The following MECOM variants were observed in gnomAD, a reference collection of about 807,000 sequenced individuals.
MECOM encodes the protein MDS1 and EVI1 complex locus, also known as histone-lysine N-methyltransferase MECOM.
In MECOM, 13 loss-of-function variants were observed where a neutral mutation model predicts 116.3. That is an observed-to-expected ratio of 0.11 (90% CI 0.07 to 0.18). The LOEUF (loss-of-function observed/expected upper bound fraction) is 0.18, where lower values mean the gene tolerates loss of function less well. Ranked by LOEUF, MECOM falls within the 10% of genes least tolerant of loss-of-function variation. The pLI, the probability that MECOM is intolerant of heterozygous loss-of-function variation, is 1.00. For synonymous variants in MECOM, 528 were observed against 535.2 expected (o/e 0.99, Z 0.19); for missense variants, 1,299 against 1,509.0 (o/e 0.86, Z 2.31).
chr3:169,552,625 C>T (rs1312562276), intron 1 of MECOM, among the ~76,000 whole-genome samples: 2 of 152,090 alleles, frequency 1.3e-5, no homozygotes, highest in East Asian at 3.9e-4. Context: ...CAAGCCGACA[C>T]AGCCTGGTCC....
intron 2 of MECOM, among the ~76,000 whole-genome samples, chr3:169,178,387 G>T (rs1372507994): frequency 6.6e-6 from 1 of 152,172 alleles, no homozygotes; most frequent in Non-Finnish European, 1.5e-5. Context: ...TGAAATTAGT[G>T]ATGTGCCTTA....
chr3:169,281,465 T>C (rs1711984472), intron 2 of MECOM, among the ~76,000 whole-genome samples: 1 of 152,212 alleles, frequency 6.6e-6, no homozygotes, highest in Non-Finnish European at 1.5e-5. Flanking sequence ...ATTTTTATCA[T>C]TGTGCTTGTC....
chr3:169,088,173 C>G (rs1718448984), intron 16 of MECOM, among the ~76,000 whole-genome samples: 2 of 152,126 alleles, frequency 1.3e-5, no homozygotes, highest in South Asian at 4.1e-4. Context: ...ACTAATGGAT[C>G]AGGCAATTAG....
In MECOM at chr3:169,570,255, C is replaced by G. The variant is rs183642143; in HGVS notation, c.37+93081G>C. ...AAAATCTAGAAGAAATGGATGAATT[C>G]CTGGACACGTACACCCTCCAAAGAC... On this transcript the variant is annotated intron_variant, in intron 1 of 16. Coordinates refer to ENST00000651503, the MANE Select transcript of MECOM (RefSeq NM_004991.4). Among the ~76,000 whole-genome samples, 40 of 152,264 alleles carry G rather than the reference C, an allele frequency of 2.6e-4. No individual in the cohort carries two copies. In the East Asian group the frequency reaches 7.1e-3, roughly 27 times the overall value.
intron 1 of MECOM, among the ~76,000 whole-genome samples, chr3:169,461,608 CACAGGTCTAAAA>C (rs1159778974): frequency 6.6e-6 from 1 of 152,102 alleles, no homozygotes. Flanking sequence ...AACCAGCTCA[CACAGGTCTAAAA>C]AAACAACAAT....
intron 1 of MECOM, among the ~76,000 whole-genome samples, chr3:169,551,587 T>C (rs1761411654): frequency 6.6e-6 from 1 of 152,238 alleles, no homozygotes; most frequent in East Asian, 1.9e-4. Context: ...CAAATTAATA[T>C]TCAAATATTG....
intron 2 of MECOM, among the ~76,000 whole-genome samples, chr3:169,231,954 T>C (rs1438411854): frequency 6.6e-6 from 1 of 152,120 alleles, no homozygotes; most frequent in Non-Finnish European, 1.5e-5. Context: ...CCTGAGTCTT[T>C]TCAGCATCAA....
At position 169,266,189 on chromosome 3, in the gene MECOM, A is replaced by G. The variant is rs1758277505; in HGVS notation, c.375+114998T>C. On this transcript the variant is annotated intron_variant, in intron 2 of 16. Coordinates refer to ENST00000651503, the MANE Select transcript of MECOM (RefSeq NM_004991.4). ...AAAAAAGGAAACTAACCTTAGTAAAAGACAAATTGACAGCCAGGCAGCATC... is the reference window on the plus strand; with the variant it reads ...AAAAAAGGAAACTAACCTTAGTAAAGGACAAATTGACAGCCAGGCAGCATC... Among the ~76,000 whole-genome samples, 2 of 152,256 alleles carry G rather than the reference A, an allele frequency of 1.3e-5. 1 individual carries two copies. The highest frequency in any genetic ancestry group is 4.1e-4 in the South Asian group (2 of 4,834).
intron 9 of MECOM, 54 bp downstream of exon 9, chr3:169,112,733 T>C (rs1727833928): frequency 7.3e-7 from 1 of 1,369,492 alleles, no homozygotes; most frequent in South Asian, 1.2e-5. Context: ...CACCTGCTTT[T>C]CAGGATCAAC....
At chr3:169,607,275 A>C (rs1446082724) in intron 1 of MECOM, among the ~76,000 whole-genome samples, 1 of 152,208 alleles carries the variant, frequency 6.6e-6, no homozygotes, top group African/African-American at 2.4e-5. Context: ...CAGTGTGCCT[A>C]ATGAGTCTTA....
At chr3:169,505,936 A>C (rs1264168984) in intron 1 of MECOM, among the ~76,000 whole-genome samples, 1 of 152,210 alleles carries the variant, frequency 6.6e-6, no homozygotes, top group East Asian at 1.9e-4. Flanking sequence ...CAGAGGAAAG[A>C]GTGCCCCCAC....
At position 169,131,260 on chromosome 3, in the gene MECOM, T is replaced by A. The variant is rs376670607; in HGVS notation, c.613+169A>T. Among the ~76,000 whole-genome samples, 14 of 152,330 alleles carry A rather than the reference T, an allele frequency of 9.2e-5. No homozygotes were observed. In the East Asian group the frequency reaches 2.5e-3, roughly 27 times the overall value. Reference sequence around the variant, plus strand: ...GCTTACTTCAGCTTCACTGTAATAGTGGCCAGATGTCAAACCAAGAAAATA... The same window carrying A: ...GCTTACTTCAGCTTCACTGTAATAGAGGCCAGATGTCAAACCAAGAAAATA... On this transcript the variant is annotated intron_variant, in intron 4 of 16. Transcript: ENST00000651503.
chr3:169,263,424 T>G (rs975177806), intron 2 of MECOM, among the ~76,000 whole-genome samples: 3 of 151,420 alleles, frequency 2.0e-5, no homozygotes, highest in South Asian at 2.1e-4. Context: ...CACCGCGCCC[T>G]GCCAAGATGA....
chr3:169,328,604 G>C (rs1188981682), intron 2 of MECOM, among the ~76,000 whole-genome samples: 1 of 152,168 alleles, frequency 6.6e-6, no homozygotes, highest in Non-Finnish European at 1.5e-5. Context: ...TGAATGTATA[G>C]TGTGCAGGAA....
intron 2 of MECOM, among the ~76,000 whole-genome samples, chr3:169,221,305 A>G (rs1752105525): frequency 6.6e-6 from 1 of 152,218 alleles, no homozygotes; most frequent in South Asian, 2.1e-4. Context: ...TATGAGGCTA[A>G]CATTAGATAA....
intron 2 of MECOM, among the ~76,000 whole-genome samples, chr3:169,152,754 A>G (rs1179750527): frequency 1.3e-5 from 2 of 152,202 alleles, no homozygotes; most frequent in Non-Finnish European, 2.9e-5. Context: ...TCCCCAGTGA[A>G]CCATTACCTA....
chr3:169,576,012 T>C (rs1764455409), intron 1 of MECOM, among the ~76,000 whole-genome samples: 1 of 152,294 alleles, frequency 6.6e-6, no homozygotes, highest in African/African-American at 2.4e-5. Flanking sequence ...TTTCTATTAA[T>C]CTAGGAATTC....
chr3:169,647,822 C>T (rs894565699), intron 1 of MECOM, among the ~76,000 whole-genome samples: 10 of 152,118 alleles, frequency 6.6e-5, no homozygotes, highest in South Asian at 2.1e-4. Flanking sequence ...TCCTCTCTTA[C>T]GCTTGAGGAC....
chr3:169,183,270 T>G (rs1746222527), intron 2 of MECOM, among the ~76,000 whole-genome samples: 1 of 152,184 alleles, frequency 6.6e-6, no homozygotes. Flanking sequence ...ATGCACTCAT[T>G]GCCATAGGGT....
Sources: allele counts gnomAD v4.1 joint callset (sites outside exome capture counted in the v4.1 genomes callset), GRCh38; gene constraint gnomAD v4.1.1; transcripts MANE v1.5; gene names NCBI Gene and HGNC (gene_info 2026-07-23, HGNC 2026-07-21).